The following NMT1 variants were observed in gnomAD, a reference collection of about 807,000 sequenced individuals.
NMT1 encodes the protein glycylpeptide N-tetradecanoyltransferase 1.
Under a neutral mutation model 63.4 loss-of-function variants are expected in NMT1, and 12 were observed. The ratio of observed to expected loss-of-function variants is 0.19; its 90% CI spans 0.12 to 0.31. The LOEUF is 0.31. NMT1 is among the 10% of genes least tolerant of loss of function. The pLI is 1.00. For missense variants in NMT1, 432 were observed against 634.6 expected, an observed-to-expected ratio of 0.68 and a Z score of 3.43; for synonymous variants, 228 against 234.3, an observed-to-expected ratio of 0.97 and a Z score of 0.25.
At chr17:45,084,344 T>TA (rs1410360527) in intron 2 of NMT1, among the ~76,000 whole-genome samples, 4 of 151,044 alleles carry the variant, frequency 2.6e-5, no homozygotes, top group Non-Finnish European at 5.9e-5. Context: ...AACTTTTTTT[T>TA]TTTTTTGCGA....
At chr17:45,062,167 C>T (rs913678421) in intron 1 of NMT1, among the ~76,000 whole-genome samples, 3 of 152,216 alleles carry the variant, frequency 2.0e-5, no homozygotes, top group African/African-American at 7.2e-5. Flanking sequence ...TTGGAATCCT[C>T]GGGCTCCATA....
chr17:45,103,026 T>G lies in NMT1; in HGVS notation c.1069T>G (p.Leu357Val), dbSNP rs2054178195. ...PVVHQLLTRY[L>V]KQFHLTPVMS... Reference sequence around the variant, plus strand: ...AGTGCACCAGCTCCTCACCAGGTACTTGAAGCAATTTCACCTTACGCCCGT... The same window carrying G: ...AGTGCACCAGCTCCTCACCAGGTACGTGAAGCAATTTCACCTTACGCCCGT... Residue 357 changes from leucine to valine, a missense_variant, in exon 9 of 12, where the codon TTG becomes GTG. Leu to Val is a conservative substitution (Grantham distance 32, BLOSUM62 1). Transcript: ENST00000258960. This position sits in a 1 kb window ranked among gnomAD's most constrained non-coding sequence, Gnocchi z 4.8. The G allele has an allele frequency of 1.2e-6, 2 of 1,614,092 alleles. No homozygotes were observed. The highest frequency in any genetic ancestry group is 1.3e-5 in the African/African-American group (1 of 75,030).
intron 8 of NMT1, among the ~76,000 whole-genome samples, chr17:45,100,862 CAAAAAAAAAAAAAAAAAA>C (rs71136069): frequency 4.3e-4 from 14 of 32,604 alleles, no homozygotes; most frequent in Admixed American, 1.6e-3. Context: ...GACTCCGTCT[CAAAAAAAAAAAAAAAAAA>C]AAAAAAAAAA....
rs538696153 is a variant in NMT1, at chr17:45,104,024, T to G, written c.1332+148T>G. On this transcript the variant is annotated intron_variant, in intron 10 of 11. Transcript: ENST00000258960. The surrounding 1 kb of genome is among the most constrained non-coding windows in gnomAD (Gnocchi z 4.2). ...CTGCTTAGGCAGGGTTCCCGCAGTT[T>G]TTAGGCAGAAACTCAAAACTTGGAG... 6.3e-7 allele frequency: 1 copy of G among 1,583,878 alleles called. No homozygotes were observed. Among genetic ancestry groups the G allele is most frequent in the South Asian group, 1.1e-5 (1 of 89,116 alleles).
chr17:45,098,704 G>C, intron 7 of NMT1, 152 bp downstream of exon 7: 1 of 676,348 alleles, frequency 1.5e-6, no homozygotes, highest in Non-Finnish European at 2.5e-6. Context: ...GAGCCAGATG[G>C]GGAGCATGGA....
chr17:45,099,575 A>G (rs1460988478), intron 8 of NMT1, 62 bp downstream of exon 8: 11 of 1,221,924 alleles, frequency 9.0e-6, no homozygotes, highest in Non-Finnish European at 1.2e-5. Flanking sequence ...CCTGGCTGTC[A>G]GCAGGAGAGA....
rs73316939 is a variant in NMT1, at chr17:45,093,866, G to C, written c.504+63G>C. On this transcript the variant is annotated intron_variant, in intron 4 of 11. Coordinates refer to ENST00000258960, the MANE Select transcript of NMT1 (RefSeq NM_021079.5). The stretch of plus-strand genomic sequence containing the variant: ...AGCCACTTTCACAGTAAGCCCTGCA[G>C]TCTCACCTAGACTACGTTTACTCGA... 1.2e-3 allele frequency: 1,638 copies of C among 1,311,602 alleles called. 17 individuals carry two copies. In the African/African-American group the frequency reaches 0.022, roughly 17 times the overall value. 81.2% of individuals were successfully genotyped at this position (1,311,602 alleles called of 1,614,324 possible).
chr17:45,107,427 C>T lies in NMT1; in HGVS notation c.*1788C>T, dbSNP rs1261918292. On this transcript the variant is annotated 3_prime_UTR_variant, in exon 12 of 12. Coordinates refer to ENST00000258960, the MANE Select transcript of NMT1 (RefSeq NM_021079.5). ...AAATTGCAGGCCCCAGCAATCGTGA[C>T]TGACGTTTGCTCCTTGACTCCAAGA... 6.5e-6 allele frequency: 1 copy of T among 152,712 alleles called. No homozygotes were observed. The highest frequency in any genetic ancestry group is 1.9e-4 in the East Asian group (1 of 5,202). 9.5% of individuals were successfully genotyped at this position (152,712 alleles called of 1,614,324 possible).
chr17:45,103,247 C>A lies in NMT1; in HGVS notation c.1164+126C>A. ...TCCTTGACCATCCGTGTTTGGTCCT[C>A]CCTAAAAACAGGGAGTTGGTGCTTG... On this transcript the variant is annotated intron_variant, in intron 9 of 11. Transcript: ENST00000258960. The surrounding 1 kb of genome is among the most constrained non-coding windows in gnomAD (Gnocchi z 4.8). 2.2e-6 allele frequency: 2 copies of A among 922,820 alleles called. No individual in the cohort carries two copies. Among genetic ancestry groups the A allele is most frequent in the Middle Eastern group, 3.6e-4 (1 of 2,816 alleles). 57.2% of individuals were successfully genotyped at this position (922,820 alleles called of 1,614,324 possible).
intron 1 of NMT1, among the ~76,000 whole-genome samples, chr17:45,080,309 C>T (rs1229869017): frequency 6.6e-6 from 1 of 151,556 alleles, no homozygotes; most frequent in East Asian, 1.9e-4. Context: ...TACAGGCATG[C>T]GCCACCATGC....
At chr17:45,084,379 G>A (rs954338648) in intron 2 of NMT1, among the ~76,000 whole-genome samples, 1 of 143,250 alleles carries the variant, frequency 7.0e-6, no homozygotes, top group Non-Finnish European at 1.5e-5. Flanking sequence ...CTGTCGCCCA[G>A]GCTAGAGTGC....
At chr17:45,083,797 G>A (rs2054032301) in intron 2 of NMT1, 1 of 152,062 alleles carries the variant, frequency 6.6e-6, no homozygotes, top group Non-Finnish European at 1.5e-5. Context: ...ATTATTTGTA[G>A]ACATGGGGTC....
intron 1 of NMT1, among the ~76,000 whole-genome samples, chr17:45,067,429 C>G (rs1332795355): frequency 1.3e-5 from 2 of 152,220 alleles, no homozygotes; most frequent in Admixed American, 1.3e-4. Flanking sequence ...CTCTTACTCC[C>G]TGGGACAGGT....
intron 1 of NMT1, among the ~76,000 whole-genome samples, chr17:45,063,561 C>G (rs2053882106): frequency 6.6e-6 from 1 of 151,946 alleles, no homozygotes; most frequent in African/African-American, 2.4e-5. Context: ...AGGTTTGTGC[C>G]CTATAATCTG....
intron 3 of NMT1, among the ~76,000 whole-genome samples, chr17:45,088,206 G>A (rs1187550134): frequency 6.6e-6 from 1 of 152,162 alleles, no homozygotes; most frequent in Admixed American, 6.5e-5. Flanking sequence ...CACTGGCTAA[G>A]CCCTCCAGCA....
chr17:45,096,112 G>T, intron 4 of NMT1, 82 bp from the exon 5 acceptor site: 1 of 1,034,338 alleles, frequency 9.7e-7, no homozygotes, highest in Non-Finnish European at 1.5e-6. Context: ...TCATCCTTCT[G>T]AAAAGCCTAG....
In NMT1 at chr17:45,081,710, A is replaced by G. The variant is rs2054018141; in HGVS notation, c.198A>G (p.Glu66=). ...AAAAGAAACAAAAAAAGAAGAAAGA[A>G]AAAGGCAGTGAGACAGATTCAGCCC... ...KKKKKQKKKK[E]KGSETDSAQD... Residue 66 remains glutamate, a synonymous_variant, in exon 2 of 12, where the codon GAA becomes GAG. Transcript: ENST00000258960. 5.0e-6 allele frequency: 8 copies of G among 1,602,922 alleles called. No homozygotes were observed. Among genetic ancestry groups the G allele is most frequent in the Non-Finnish European group, 6.8e-6 (8 of 1,173,742 alleles).
chr17:45,081,887 G>A (rs2054019336), intron 2 of NMT1, 135 bp downstream of exon 2: 3 of 696,172 alleles, frequency 4.3e-6, no homozygotes, highest in Non-Finnish European at 2.4e-6. Context: ...GGATCCCAGT[G>A]CTGTCCTCTG....
rs547711807 is a variant in NMT1 at position 45,067,491 on chromosome 17, C to A, written c.131+6031C>A. ...TCATTTCCTGGTTGTGAGATACTAT[C>A]CCTTATGAAAACTTAGGAGGAGAGA... is the stretch of plus-strand genomic sequence containing the variant. On this transcript the variant is annotated intron_variant, in intron 1 of 11. Transcript: ENST00000258960. 5.3e-5 allele frequency among the ~76,000 whole-genome samples: 8 copies of A among 152,286 alleles called. No homozygotes were observed. In the South Asian group the frequency reaches 1.7e-3, roughly 32 times the overall value.
Sources: allele counts gnomAD v4.1 joint callset (sites outside exome capture counted in the v4.1 genomes callset), GRCh38; gene constraint gnomAD v4.1.1; non-coding constraint Gnocchi (gnomAD v3.1); transcripts MANE v1.5; gene names NCBI Gene and HGNC (gene_info 2026-07-23, HGNC 2026-07-21).